Variants in DNAAF9 observed in about 807,000 individuals in gnomAD.
DNAAF9 encodes dynein axonemal assembly factor 9.
A neutral mutation model predicts 167.0 loss-of-function variants in DNAAF9; 90 were observed. The observed-to-expected ratio is 0.54, with a 90% CI of 0.45 to 0.64. The LOEUF is 0.64. Ranked by LOEUF, DNAAF9 falls within the 30% of genes least tolerant of loss-of-function variation. DNAAF9 has a pLI of 0.00. For missense variants in DNAAF9, 1,315 were observed against 1,442.2 expected (o/e 0.91, Z 1.43); for synonymous variants, 491 against 508.8 (o/e 0.96, Z 0.47).
chr20:3,264,235 C>T (rs759627370), intron 31 of DNAAF9, among the ~76,000 whole-genome samples: 19 of 152,200 alleles, frequency 1.2e-4, no homozygotes, highest in Non-Finnish European at 2.1e-4. Context: ...TAAGAAGGCT[C>T]GCAGTTTGGA....
intron 6 of DNAAF9, among the ~76,000 whole-genome samples, chr20:3,373,343 A>G (rs955652834): frequency 6.6e-6 from 1 of 152,182 alleles, no homozygotes; most frequent in African/African-American, 2.4e-5. Flanking sequence ...TGTACTGGGC[A>G]GGTCATTTCA....
intron 25 of DNAAF9, among the ~76,000 whole-genome samples, chr20:3,292,537 C>A (rs1371138721): frequency 6.6e-6 from 1 of 151,830 alleles, no homozygotes; most frequent in Admixed American, 6.6e-5. Flanking sequence ...GAGGCCGAGG[C>A]GGGAGGATCA....
At chr20:3,354,966 A>C (rs1244320826) in intron 7 of DNAAF9, among the ~76,000 whole-genome samples, 2 of 152,082 alleles carry the variant, frequency 1.3e-5, no homozygotes. Flanking sequence ...GGTGCAATTA[A>C]AGATGCTCTC....
intron 8 of DNAAF9, among the ~76,000 whole-genome samples, chr20:3,348,241 T>C (rs1246226995): frequency 2.6e-5 from 4 of 152,154 alleles, no homozygotes; most frequent in Non-Finnish European, 2.9e-5. Context: ...TACTCACATG[T>C]GGATAATTAT....
At chr20:3,291,184 C>A (rs759941672) in intron 25 of DNAAF9, among the ~76,000 whole-genome samples, 3 of 152,120 alleles carry the variant, frequency 2.0e-5, no homozygotes, top group African/African-American at 4.8e-5. Context: ...TTATTATACA[C>A]CCACAGGAAA....
intron 33 of DNAAF9, 70 bp downstream of exon 33, chr20:3,259,410 G>T (rs879244122): frequency 1.0e-6 from 1 of 989,736 alleles, no homozygotes; most frequent in African/African-American, 1.6e-5. Context: ...ACCAGCAGAG[G>T]CTCTGAACTC....
intron 7 of DNAAF9, among the ~76,000 whole-genome samples, chr20:3,355,913 G>A (rs1368146932): frequency 2.0e-5 from 3 of 151,040 alleles, no homozygotes; most frequent in East Asian, 1.9e-4. Flanking sequence ...ATCCAGTGCC[G>A]TCTGAATTTT....
chr20:3,301,053 C>CT (rs1250900166), intron 21 of DNAAF9, among the ~76,000 whole-genome samples: 1 of 150,582 alleles, frequency 6.6e-6, no homozygotes, highest in Non-Finnish European at 1.5e-5. Flanking sequence ...CTTGCTCTGT[C>CT]TCCCAGGCTG....
intron 6 of DNAAF9, among the ~76,000 whole-genome samples, chr20:3,362,512 G>GT (rs1019470873): frequency 6.0e-5 from 9 of 150,140 alleles, no homozygotes; most frequent in Non-Finnish European, 1.0e-4. Context: ...AATCAATTCT[G>GT]TTTTTTTTCT....
At chr20:3,394,886 G>A (rs2083876918) in intron 1 of DNAAF9, among the ~76,000 whole-genome samples, 1 of 148,954 alleles carries the variant, frequency 6.7e-6, no homozygotes, top group Admixed American at 6.7e-5. Context: ...TATAGCTGAT[G>A]AGGCAAGTCC....
intron 6 of DNAAF9, among the ~76,000 whole-genome samples, chr20:3,363,615 A>G (rs6051795): frequency 0.63 from 95,634 of 150,942 alleles, 30,526 homozygotes; most frequent in South Asian, 0.69. Context: ...CTCTTAGGGA[A>G]GCAGAAGCAG....
chr20:3,350,115 A>T (rs2070284784), intron 7 of DNAAF9, among the ~76,000 whole-genome samples: 1 of 150,300 alleles, frequency 6.7e-6, no homozygotes, highest in African/African-American at 2.5e-5. Flanking sequence ...CTTGCTGCCC[A>T]GACTATCAGA....
At chr20:3,372,803 TCA>T (rs201847536) in intron 6 of DNAAF9, among the ~76,000 whole-genome samples, 2,007 of 130,924 alleles carry the variant, frequency 0.015, 48 homozygotes, top group African/African-American at 0.057. Flanking sequence ...TATACCTACC[TCA>T]GAGGGTTACT....
At chr20:3,393,282 A>T (rs1209907224) in intron 1 of DNAAF9, among the ~76,000 whole-genome samples, 3 of 152,086 alleles carry the variant, frequency 2.0e-5, no homozygotes, top group Non-Finnish European at 4.4e-5. Flanking sequence ...GGTTCAAGTG[A>T]TTCTCCTGCC....
intron 31 of DNAAF9, among the ~76,000 whole-genome samples, chr20:3,263,880 C>T (rs1373098701): frequency 6.6e-6 from 1 of 152,212 alleles, no homozygotes; most frequent in East Asian, 1.9e-4. Context: ...AGAGTGGAGT[C>T]TTTGAACAAT....
intron 20 of DNAAF9, among the ~76,000 whole-genome samples, chr20:3,314,213 T>A (rs1425825046): frequency 3.9e-5 from 6 of 152,098 alleles, no homozygotes; most frequent in Non-Finnish European, 7.4e-5. Context: ...ATTTTAGATA[T>A]TTAAGCCCAT....
chr20:3,259,507 G>A lies in DNAAF9; in HGVS notation c.3028C>T (p.His1010Tyr). ...GAAAACTTCACTTTGCCCAGGATGT[G>A]GTAGATGTTTCCGGAGAAGGGACTT... ...KPSPFSGNIYHILGKVKFSDS... is the reference protein window; with the variant it reads ...KPSPFSGNIYYILGKVKFSDS... Residue 1010 changes from histidine (H) to tyrosine (Y), a missense_variant, in exon 33 of 37, where the codon CAC becomes TAC. Around this residue, in one of 2 missense-constraint regions of DNAAF9, gnomAD observed 334 missense variants for 429.7 expected, o/e 0.78. Transcript: ENST00000252032. The A allele has an allele frequency of 6.2e-7, 1 of 1,612,376 alleles. No homozygotes were observed. Among genetic ancestry groups the A allele is most frequent in the Non-Finnish European group, 8.5e-7 (1 of 1,178,374 alleles).
At chr20:3,343,237 ACTG>A (rs1318526055) in intron 9 of DNAAF9, among the ~76,000 whole-genome samples, 1 of 152,146 alleles carries the variant, frequency 6.6e-6, no homozygotes, top group African/African-American at 2.4e-5. Flanking sequence ...ATCTCGGCTC[ACTG>A]CAACCTCCGC....
chr20:3,402,453 T>C lies in DNAAF9; in HGVS notation c.83+5022A>G, dbSNP rs573647134. ...ATAATCATTAACTATAGTTACCATGTTGTATAACAGATCTCTTAAACTAAT... is the reference window on the plus strand; with the variant it reads ...ATAATCATTAACTATAGTTACCATGCTGTATAACAGATCTCTTAAACTAAT... On this transcript the variant is annotated intron_variant, in intron 1 of 36. Coordinates refer to ENST00000252032, the MANE Select transcript of DNAAF9 (RefSeq NM_001009984.3). Among the ~76,000 whole-genome samples the C allele has an allele frequency of 1.1e-3, 172 of 152,300 alleles. 1 individual carries two copies. The highest frequency in any genetic ancestry group is 3.6e-3 in the African/African-American group (148 of 41,550).
Sources: gnomAD v4.1 joint callset for allele counts (sites outside exome capture counted in the v4.1 genomes callset) on GRCh38, gnomAD v4.1.1 for gene constraint, gnomAD v4.1.1 regional missense constraint, MANE v1.5 for transcripts, NCBI Gene and HGNC (gene_info 2026-07-23, HGNC 2026-07-21) for gene names.